C3orf20: variants seen among roughly 807,000 people sequenced by gnomAD.
The protein encoded by C3orf20 is uncharacterized protein C3orf20.
A neutral mutation model predicts 88.3 loss-of-function variants in C3orf20; 76 were observed. The ratio of observed to expected loss-of-function variants is 0.86; its 90% confidence interval spans 0.72 to 1.04. The LOEUF (loss-of-function observed/expected upper bound fraction) is 1.04, where lower values mean the gene tolerates loss of function less well. Among genes scored for constraint, C3orf20 ranks in the 50% least tolerant of loss-of-function variants. The pLI, the probability that C3orf20 is intolerant of heterozygous loss-of-function variation, is 0.00. For synonymous variants in C3orf20, 436 were observed against 437.4 expected, an observed-to-expected ratio of 1.00 and a Z score of 0.04; for missense variants, 1,056 against 1,123.3, an observed-to-expected ratio of 0.94 and a Z score of 0.86.
At chr3:14,698,007 T>C (rs2033083817) in intron 5 of C3orf20, among the ~76,000 whole-genome samples, 1 of 152,208 alleles carries the variant, frequency 6.6e-6, no homozygotes, top group South Asian at 2.1e-4. Context: ...TGAATAGTGC[T>C]GCAATGAACA....
chr3:14,733,229 A>C (rs1049820215), intron 12 of C3orf20, among the ~76,000 whole-genome samples: 1 of 152,082 alleles, frequency 6.6e-6, no homozygotes, highest in Non-Finnish European at 1.5e-5. Flanking sequence ...CAAGCATACA[A>C]TTTTCCTCCT....
intron 12 of C3orf20, among the ~76,000 whole-genome samples, chr3:14,747,603 A>G (rs1369930169): frequency 2.0e-5 from 3 of 152,164 alleles, no homozygotes; most frequent in Admixed American, 6.5e-5. Flanking sequence ...AATAACAGGT[A>G]TATTATAGTT....
At chr3:14,681,626 ACT>A (rs1205997718) in intron 1 of C3orf20, among the ~76,000 whole-genome samples, 2 of 152,130 alleles carry the variant, frequency 1.3e-5, no homozygotes, top group Admixed American at 1.3e-4. Flanking sequence ...GGAGGCTCAC[ACT>A]CTCATAAAGT....
intron 5 of C3orf20, among the ~76,000 whole-genome samples, chr3:14,696,022 T>G (rs961710526): frequency 2.6e-5 from 4 of 152,066 alleles, no homozygotes; most frequent in Non-Finnish European, 5.9e-5. Flanking sequence ...TTTTGTTGTT[T>G]CTCTGGTTGT....
intron 15 of C3orf20, among the ~76,000 whole-genome samples, chr3:14,764,028 C>T (rs943976485): frequency 9.9e-5 from 15 of 152,060 alleles, no homozygotes; most frequent in East Asian, 7.7e-4. Flanking sequence ...ACAAACTATA[C>T]ACATACATAC....
At chr3:14,706,368 C>G (rs1168474755) in intron 7 of C3orf20, among the ~76,000 whole-genome samples, 1 of 151,890 alleles carries the variant, frequency 6.6e-6, no homozygotes, top group African/African-American at 2.4e-5. Context: ...TGACTCTTTG[C>G]TGCATTTAAT....
rs2032644168 is a variant in C3orf20 at position 14,690,046 on chromosome 3, G to A, written c.675G>A (p.Leu225=). ...TTGGGGTGAACTCGCCTTACCAGCT[G>A]ATCTACCACTCTTCCACAGCCTGTC... The part of the protein sequence containing the change: ...SAIGVNSPYQ[L]IYHSSTACLS... Residue 225 remains leucine, a synonymous_variant, in exon 5 of 17, where the codon CTG becomes CTA. Coordinates refer to ENST00000253697, the MANE Select transcript of C3orf20 (RefSeq NM_032137.5). The A allele has an allele frequency of 3.7e-6, 6 of 1,614,160 alleles. No homozygotes were observed. The highest frequency in any genetic ancestry group is 5.1e-6 in the Non-Finnish European group (6 of 1,180,024).
At chr3:14,739,982 C>A (rs371195459) in intron 12 of C3orf20, among the ~76,000 whole-genome samples, 33 of 152,184 alleles carry the variant, frequency 2.2e-4, no homozygotes, top group African/African-American at 7.2e-4. Flanking sequence ...CTATGCAGAC[C>A]ACTAAAACTT....
intron 12 of C3orf20, among the ~76,000 whole-genome samples, chr3:14,736,143 A>C (rs1351332885): frequency 1.3e-5 from 2 of 152,174 alleles, no homozygotes; most frequent in Non-Finnish European, 1.5e-5. Flanking sequence ...ACTCCTTTTC[A>C]CATTAACTAG....
chr3:14,704,428 T>C lies in C3orf20; in HGVS notation c.970T>C (p.Leu324=), dbSNP rs2033411145. The C allele has an allele frequency of 2.5e-6, 4 of 1,614,152 alleles. No individual in the cohort carries two copies. The highest frequency in any genetic ancestry group is 2.2e-5 in the South Asian group (2 of 91,072). ...GGCAAAGATGCCCTCTCATCTAATG[T>C]TGGCCCGCAAAGGAGACTCTCAGAC... ...YKAKMPSHLM[L]ARKGDSQTPG... is the part of the protein sequence containing the mutation. The change falls in exon 7 of 17, where the codon TTG becomes CTG. Residue 324 remains leucine (L), a synonymous_variant. Coordinates refer to ENST00000253697, the MANE Select transcript of C3orf20 (RefSeq NM_032137.5).
chr3:14,758,440 C>G (rs1559445027), intron 13 of C3orf20, among the ~76,000 whole-genome samples: 1 of 152,190 alleles, frequency 6.6e-6, no homozygotes, highest in South Asian at 2.1e-4. Flanking sequence ...TCCCACCTAT[C>G]AGGCTTATGT....
intron 1 of C3orf20, among the ~76,000 whole-genome samples, chr3:14,676,629 C>T (rs542639244): frequency 6.6e-6 from 1 of 152,158 alleles, no homozygotes; most frequent in African/African-American, 2.4e-5. Flanking sequence ...ACTCCTCCCC[C>T]CCATTTTGAA....
At chr3:14,731,032 A>G (rs1458467774) in intron 12 of C3orf20, among the ~76,000 whole-genome samples, 1 of 152,112 alleles carries the variant, frequency 6.6e-6, no homozygotes, top group Non-Finnish European at 1.5e-5. Context: ...AGCCCTATAT[A>G]TACTCTGTTT....
chr3:14,738,156 A>C (rs2125004435), intron 12 of C3orf20, among the ~76,000 whole-genome samples: 1 of 148,614 alleles, frequency 6.7e-6, no homozygotes, highest in Non-Finnish European at 1.5e-5. Context: ...CATGAATCAC[A>C]AATATTCCTT....
chr3:14,698,854 T>A (rs907966270), intron 5 of C3orf20, among the ~76,000 whole-genome samples: 2 of 152,306 alleles, frequency 1.3e-5, no homozygotes, highest in Admixed American at 6.5e-5. Flanking sequence ...GTTCTTCCCT[T>A]TAGGGCAGAC....
intron 1 of C3orf20, among the ~76,000 whole-genome samples, chr3:14,675,815 C>T (rs1298380117): frequency 5.3e-5 from 8 of 152,094 alleles, no homozygotes. Context: ...CTCAGCCTCC[C>T]GAGTAGCTGG....
chr3:14,715,802 C>T (rs2033918333), intron 9 of C3orf20, among the ~76,000 whole-genome samples: 1 of 152,074 alleles, frequency 6.6e-6, no homozygotes, highest in African/African-American at 2.4e-5. Context: ...ATATTGGTCT[C>T]CTCCGTTTTT....
chr3:14,703,055 C>G (rs776854566), intron 5 of C3orf20, 75 bp from the exon 6 acceptor site: 15 of 1,546,658 alleles, frequency 9.7e-6, no homozygotes, highest in Admixed American at 1.7e-5. Flanking sequence ...GGTCTCACAT[C>G]CAGGTGACAC....
intron 12 of C3orf20, among the ~76,000 whole-genome samples, chr3:14,732,502 TC>T (rs1306769154): frequency 6.6e-6 from 1 of 152,248 alleles, no homozygotes; most frequent in Non-Finnish European, 1.5e-5. Flanking sequence ...ATAGGTTTTT[TC>T]TTTTCTGGAT....
Sources: gnomAD v4.1 joint callset for allele counts (sites outside exome capture counted in the v4.1 genomes callset) on GRCh38, gnomAD v4.1.1 for gene constraint, MANE v1.5 for transcripts, NCBI Gene and HGNC (gene_info 2026-07-23, HGNC 2026-07-21) for gene names.